The following NTM variants were observed in gnomAD, a reference collection of about 807,000 sequenced individuals.
NTM encodes the protein IgLON family member 2.
In NTM, 13 loss-of-function variants were observed where a neutral mutation model predicts 42.1. The observed-to-expected ratio is 0.31, with a 90% CI of 0.20 to 0.49. The LOEUF (loss-of-function observed/expected upper bound fraction) is 0.49. Ranked by LOEUF, NTM falls within the 20% of genes least tolerant of loss-of-function variation. The pLI, the probability that NTM is intolerant of heterozygous loss-of-function variation, is 0.99. For synonymous variants in NTM, 187 were observed against 179.2 expected (o/e 1.04, Z -0.35); for missense variants, 373 against 452.8 (o/e 0.82, Z 1.60).
At chr11:131,598,685 TTCTTTC>T (rs2060036573) in intron 1 of NTM, among the ~76,000 whole-genome samples, 1 of 23,180 alleles carries the variant, frequency 4.3e-5, no homozygotes, top group African/African-American at 1.1e-4. Flanking sequence ...CTCATTTGTT[TTCTTTC>T]TTTCTTTCTT....
chr11:132,196,907 G>A (rs1399523879), intron 3 of NTM, among the ~76,000 whole-genome samples: 2 of 152,056 alleles, frequency 1.3e-5, no homozygotes, highest in East Asian at 3.9e-4. Context: ...TAACAAACCT[G>A]CACATGTACT....
intron 1 of NTM, among the ~76,000 whole-genome samples, chr11:131,693,452 TATC>T (rs1043895854): frequency 6.6e-6 from 1 of 152,302 alleles, no homozygotes; most frequent in East Asian, 1.9e-4. Context: ...TTAAGATTTT[TATC>T]ATCAAGACAG....
chr11:132,304,885 G>C (rs1306388559), intron 4 of NTM, among the ~76,000 whole-genome samples: 5 of 152,164 alleles, frequency 3.3e-5, no homozygotes, highest in African/African-American at 1.2e-4. Context: ...GTAGGATTAA[G>C]CCTCACTGTT....
chr11:131,454,027 C>T (rs1297070186), intron 1 of NTM, among the ~76,000 whole-genome samples: 1 of 152,172 alleles, frequency 6.6e-6, no homozygotes, highest in African/African-American at 2.4e-5. Context: ...CGTTTATTTC[C>T]TCAATGTTTT....
intron 1 of NTM, among the ~76,000 whole-genome samples, chr11:131,882,181 T>C (rs2049637598): frequency 6.6e-6 from 1 of 152,198 alleles, no homozygotes; most frequent in Admixed American, 6.5e-5. Flanking sequence ...TGTATGTGTA[T>C]GTATGTGTGT....
intron 1 of NTM, among the ~76,000 whole-genome samples, chr11:131,381,362 A>T (rs183186916): frequency 4.6e-5 from 7 of 152,350 alleles, no homozygotes; most frequent in Non-Finnish European, 8.8e-5. Context: ...CAGCCCAGTC[A>T]TGGAATGGAT....
chr11:131,370,709 C>G lies in NTM; in HGVS notation c.-98C>G. 9.6e-7 allele frequency: 1 copy of G among 1,039,122 alleles called. No homozygotes were observed. The highest frequency in any genetic ancestry group is 1.4e-6 in the Non-Finnish European group (1 of 703,036). The allele number at this position is 1,039,122 out of a possible 1,614,324, so 64.4% of individuals were successfully genotyped here. On this transcript the variant is annotated 5_prime_UTR_variant, in exon 1 of 9. Coordinates refer to ENST00000683400, the MANE Select transcript of NTM (RefSeq NM_001352005.2). ...TCAGCAAAACAGTGGATTTAAATCT[C>G]CTTGCACAAGCTTGAGAGCAACACA...
chr11:132,259,991 T>C (rs1022971024), intron 4 of NTM, among the ~76,000 whole-genome samples: 2 of 151,996 alleles, frequency 1.3e-5, no homozygotes, highest in African/African-American at 4.8e-5. Context: ...CTAGGACAGT[T>C]TTGAGTAGAA....
chr11:131,434,301 C>G (rs1948936663), intron 1 of NTM, among the ~76,000 whole-genome samples: 1 of 152,124 alleles, frequency 6.6e-6, no homozygotes, highest in African/African-American at 2.4e-5. Context: ...GGGTATATAC[C>G]CAGTAATGGG....
At chr11:131,429,029 T>C (rs558732374) in intron 1 of NTM, among the ~76,000 whole-genome samples, 2 of 152,088 alleles carry the variant, frequency 1.3e-5, no homozygotes, top group Admixed American at 6.5e-5. Flanking sequence ...CACTCCAGCC[T>C]GGGTGACAGA....
intron 2 of NTM, among the ~76,000 whole-genome samples, chr11:132,111,230 A>G (rs950298804): frequency 1.3e-5 from 2 of 151,000 alleles, no homozygotes; most frequent in African/African-American, 4.8e-5. Context: ...GTGCATGCCT[A>G]TGTGTGTGTA....
chr11:131,829,451 G>A (rs1285475811), intron 1 of NTM, among the ~76,000 whole-genome samples: 1 of 152,136 alleles, frequency 6.6e-6, no homozygotes, highest in Non-Finnish European at 1.5e-5. Context: ...TTGGTTTTCT[G>A]TTCCTGCATT....
At chr11:132,044,374 C>T (rs2077688853) in intron 2 of NTM, among the ~76,000 whole-genome samples, 1 of 152,062 alleles carries the variant, frequency 6.6e-6, no homozygotes, top group Non-Finnish European at 1.5e-5. Context: ...CCCTGCAATA[C>T]CTGGAAATCA....
At chr11:132,168,862 T>C (rs772413986) in intron 3 of NTM, among the ~76,000 whole-genome samples, 18 of 152,144 alleles carry the variant, frequency 1.2e-4, no homozygotes, top group Non-Finnish European at 2.5e-4. Flanking sequence ...AATAAGGCTG[T>C]GGCTCTGTCA....
chr11:131,858,705 G>A (rs1048973954), intron 1 of NTM, among the ~76,000 whole-genome samples: 1 of 152,320 alleles, frequency 6.6e-6, no homozygotes, highest in East Asian at 1.9e-4. Flanking sequence ...ACGTTGAGCC[G>A]CAGCAGCTGG....
chr11:131,518,628 C>T (rs778584479), intron 1 of NTM, among the ~76,000 whole-genome samples: 9 of 152,164 alleles, frequency 5.9e-5, no homozygotes, highest in Non-Finnish European at 1.0e-4. Context: ...TAAATTCACT[C>T]TTTGGCCTTT....
chr11:131,737,692 C>T (rs1483668895), intron 1 of NTM, among the ~76,000 whole-genome samples: 45 of 152,068 alleles, frequency 3.0e-4, no homozygotes, highest in East Asian at 1.9e-4. Context: ...TCTGCCTTCT[C>T]GCCTAACCTT....
intron 3 of NTM, among the ~76,000 whole-genome samples, chr11:132,199,600 G>A (rs992685228): frequency 3.3e-5 from 5 of 152,102 alleles, no homozygotes; most frequent in African/African-American, 9.7e-5. Context: ...GAGTGATACC[G>A]GGGAGTAGAT....
At chr11:131,682,406 G>C (rs918190682) in intron 1 of NTM, among the ~76,000 whole-genome samples, 1 of 152,184 alleles carries the variant, frequency 6.6e-6, no homozygotes, top group Non-Finnish European at 1.5e-5. Context: ...ATTCAGAAGA[G>C]CCTTCACCTG....
Sources: allele counts gnomAD v4.1 joint callset (sites outside exome capture counted in the v4.1 genomes callset), GRCh38; gene constraint gnomAD v4.1.1; transcripts MANE v1.5; gene names NCBI Gene and HGNC (gene_info 2026-07-23, HGNC 2026-07-21).